The following PRKCH variants were observed in gnomAD, a reference collection of about 807,000 sequenced individuals.
The protein encoded by PRKCH is protein kinase C eta type.
A neutral mutation model predicts 82.5 loss-of-function variants in PRKCH; 28 were observed. The ratio of observed to expected loss-of-function variants is 0.34; its 90% CI spans 0.25 to 0.47. The LOEUF (loss-of-function observed/expected upper bound fraction) is 0.47, where lower values mean the gene tolerates loss of function less well. PRKCH is among the 20% of genes least tolerant of loss of function. The pLI, the probability that PRKCH is intolerant of heterozygous loss-of-function variation, is 1.00. For synonymous variants in PRKCH, 322 were observed against 327.4 expected (o/e 0.98, Z 0.18); for missense variants, 705 against 881.8 (o/e 0.80, Z 2.54).
intron 1 of PRKCH, among the ~76,000 whole-genome samples, chr14:61,224,531 C>T (rs748076660): frequency 2.0e-5 from 3 of 152,184 alleles, no homozygotes; most frequent in Non-Finnish European, 4.4e-5. Flanking sequence ...ATGACCTTGA[C>T]AGTCCTGAGG....
At chr14:61,314,016 C>T (rs918906305) in intron 1 of PRKCH, among the ~76,000 whole-genome samples, 5 of 152,076 alleles carry the variant, frequency 3.3e-5, no homozygotes, top group Admixed American at 6.5e-5. Context: ...GACAGGTTCT[C>T]GCCATTTGCC....
At position 61,346,951 on chromosome 14, in the gene PRKCH, G is replaced by T. The variant is rs558484319; in HGVS notation, c.363+24487G>T. On this transcript the variant is annotated intron_variant, in intron 1 of 13. Transcript: ENST00000332981. ...TCCCTCATTAGCTAATGATGTTGAT[G>T]TCCTCACAAGCATTGTTTAGGAATG... Among the ~76,000 whole-genome samples, 952 of 152,242 alleles carry T rather than the reference G, an allele frequency of 6.3e-3. 4 individuals carry two copies. The highest frequency in any genetic ancestry group is 0.011 in the Non-Finnish European group (751 of 68,026).
chr14:61,469,599 A>G (rs8010132), intron 9 of PRKCH, among the ~76,000 whole-genome samples: 20,474 of 152,196 alleles, frequency 0.13, 2,977 homozygotes, highest in African/African-American at 0.37. Flanking sequence ...ACAAAATCAT[A>G]CAGTCTAAAA....
At chr14:61,480,721 C>G (rs1380768647) in intron 9 of PRKCH, among the ~76,000 whole-genome samples, 1 of 152,202 alleles carries the variant, frequency 6.6e-6, no homozygotes, top group Admixed American at 6.5e-5. Flanking sequence ...CCCTGCACTT[C>G]TCATTTGTGG....
At chr14:61,288,919 G>T (rs2045337830) in intron 1 of PRKCH, among the ~76,000 whole-genome samples, 1 of 152,238 alleles carries the variant, frequency 6.6e-6, no homozygotes, top group Non-Finnish European at 1.5e-5. Flanking sequence ...AGAATTGAAG[G>T]AAGCAGATCT....
At chr14:61,461,112 T>A (rs1344205439) in intron 9 of PRKCH, among the ~76,000 whole-genome samples, 1 of 152,114 alleles carries the variant, frequency 6.6e-6, no homozygotes, top group Non-Finnish European at 1.5e-5. Context: ...TCCTCATTGG[T>A]CCTCAGTGGC....
At chr14:61,214,419 G>A (rs553484769) in intron 1 of PRKCH, among the ~76,000 whole-genome samples, 1 of 152,098 alleles carries the variant, frequency 6.6e-6, no homozygotes, top group South Asian at 2.1e-4. Context: ...AGCTGTATGA[G>A]GACCCTCTAC....
Position 61,283,037 on chromosome 14 carries a change from AT to A in PRKCH, c.-19+95382del, listed in dbSNP as rs112461509. On this transcript the variant is annotated intron_variant, in intron 1 of 3. Coordinates refer to the PRKCH transcript ENST00000555185. ...AATTCAGTTTTCACAACTTTTGTAG[AT>A]TTTTTTTTTTTTGAGAGAGAGGTGT... is the stretch of plus-strand genomic sequence containing the variant. Among the ~76,000 whole-genome samples, 1,319 of 145,976 alleles carry A rather than the reference AT, an allele frequency of 9.0e-3. 5 individuals are homozygous for A. Among genetic ancestry groups the A allele is most frequent in the Middle Eastern group, 0.022 (6 of 276 alleles).
intron 2 of PRKCH, among the ~76,000 whole-genome samples, chr14:61,407,282 T>G: frequency 6.6e-6 from 1 of 152,184 alleles, no homozygotes; most frequent in Non-Finnish European, 1.5e-5. Flanking sequence ...AATAATGCAT[T>G]TATTATTAAG....
intron 1 of PRKCH, chr14:61,305,157 C>T (rs1316821559): frequency 4.0e-5 from 6 of 151,762 alleles, no homozygotes; most frequent in Admixed American, 3.9e-4. Context: ...TTTTCTTTTT[C>T]CTTTCTTTTA....
chr14:61,507,089 G>A (rs1887183440), intron 10 of PRKCH, among the ~76,000 whole-genome samples: 1 of 152,084 alleles, frequency 6.6e-6, no homozygotes, highest in African/African-American at 2.4e-5. Flanking sequence ...CAACCCAATA[G>A]CAAAAACTAA....
chr14:61,347,549 G>T (rs1030621687), intron 1 of PRKCH, among the ~76,000 whole-genome samples: 7 of 152,168 alleles, frequency 4.6e-5, no homozygotes, highest in Non-Finnish European at 8.8e-5. Context: ...TCCCAATTTT[G>T]TGGAGGTTTG....
intron 1 of PRKCH, among the ~76,000 whole-genome samples, chr14:61,378,656 A>G (rs956926142): frequency 6.6e-6 from 1 of 152,206 alleles, no homozygotes. Context: ...AAGGTCATAC[A>G]TTGAACTCTT....
At chr14:61,504,928 T>G (rs1486367178) in intron 10 of PRKCH, among the ~76,000 whole-genome samples, 1 of 152,172 alleles carries the variant, frequency 6.6e-6, no homozygotes, top group Non-Finnish European at 1.5e-5. Flanking sequence ...TTGAGACCTA[T>G]TTTTTGCCTG....
At position 61,280,747 on chromosome 14, in the gene PRKCH, C is replaced by T. The variant is rs773771857; in HGVS notation, c.-19+93079C>T. The stretch of plus-strand genomic sequence containing the variant: ...GTGGCGCAGCGCGCTGGGGAGTCCG[C>T]TCAGCTGCGCGTCGTCGCGGGACAC... On this transcript the variant is annotated intron_variant, in intron 1 of 3. Transcript: ENST00000555185. The surrounding 1 kb of genome is among the most constrained non-coding windows in gnomAD (Gnocchi z 5.0). 2 of 1,566,792 alleles carry T rather than the reference C, an allele frequency of 1.3e-6. No individual in the cohort carries two copies. Among genetic ancestry groups the T allele is most frequent in the East Asian group, 4.6e-5 (2 of 43,312 alleles).
At chr14:61,202,108 G>A (rs1010889254) in intron 1 of PRKCH, among the ~76,000 whole-genome samples, 1 of 152,340 alleles carries the variant, frequency 6.6e-6, no homozygotes, top group Middle Eastern at 3.4e-3. Context: ...CAAGTGGGAT[G>A]AGGGGCTTCT....
intron 1 of PRKCH, among the ~76,000 whole-genome samples, chr14:61,212,731 C>T (rs1471875453): frequency 6.6e-6 from 1 of 152,136 alleles, no homozygotes; most frequent in African/African-American, 2.4e-5. Context: ...GCTGAGTATA[C>T]AAGGGTAAAT....
chr14:61,278,260 T>A (rs992340273), intron 1 of PRKCH: 6 of 152,356 alleles, frequency 3.9e-5, no homozygotes, highest in Admixed American at 1.3e-4. Flanking sequence ...TATATACATA[T>A]AATGATCATG....
intron 1 of PRKCH, among the ~76,000 whole-genome samples, chr14:61,244,328 A>G (rs1412266135): frequency 1.3e-5 from 2 of 152,178 alleles, no homozygotes; most frequent in Non-Finnish European, 2.9e-5. Flanking sequence ...ATGCCGATTA[A>G]CTGTAGTTCA....
Sources: allele counts gnomAD v4.1 joint callset (sites outside exome capture counted in the v4.1 genomes callset), GRCh38; gene constraint gnomAD v4.1.1; non-coding constraint Gnocchi (gnomAD v3.1); transcripts MANE v1.5; gene names NCBI Gene and HGNC (gene_info 2026-07-23, HGNC 2026-07-21).